Variants in IL26 observed in about 807,000 individuals in gnomAD.
The protein encoded by IL26 is interleukin 26.
IL26 carries 23 observed loss-of-function variants against 21.7 expected under a neutral mutation model. The ratio of observed to expected loss-of-function variants is 1.06; its 90% CI spans 0.76 to 1.50. IL26 has a LOEUF of 1.50. Among genes scored for constraint, IL26 ranks in the 40% most tolerant of loss-of-function variants. The probability of loss-of-function intolerance (pLI) is 0.00; values close to 1 mark genes in which losing one functional copy is unlikely to be tolerated. For missense variants in IL26, 204 were observed against 196.0 expected (o/e 1.04, Z -0.24); for synonymous variants, 63 against 67.8 (o/e 0.93, Z 0.34).
chr12:68,215,818 C>T (rs1592898979), intron 3 of IL26, among the ~76,000 whole-genome samples: 1 of 151,938 alleles, frequency 6.6e-6, no homozygotes, highest in South Asian at 2.1e-4. Flanking sequence ...TAGGCATGCA[C>T]CCCATATCCA....
chr12:68,219,310 G>A (rs1324762049), intron 3 of IL26, among the ~76,000 whole-genome samples: 1 of 151,548 alleles, frequency 6.6e-6, no homozygotes, highest in African/African-American at 2.4e-5. Flanking sequence ...AAATATAAAG[G>A]GATTCAAGTC....
chr12:68,202,131 A>C, intron 3 of IL26, 48 bp from the exon 4 acceptor site: 2 of 1,191,842 alleles, frequency 1.7e-6, no homozygotes, highest in Non-Finnish European at 2.4e-6. Flanking sequence ...AGAGGCATTA[A>C]TGATACTCTT....
chr12:68,203,189 C>T (rs545460344), intron 3 of IL26, among the ~76,000 whole-genome samples: 28 of 152,222 alleles, frequency 1.8e-4, no homozygotes, highest in Admixed American at 1.0e-3. Flanking sequence ...ACTACCAGTC[C>T]GCTTTGTGCA....
rs1868388221 is a variant in IL26, at chr12:68,201,425, T to A, written c.*420A>T. On this transcript the variant is annotated 3_prime_UTR_variant, in exon 5 of 5. Transcript: ENST00000229134. ...GTTCACACTGGGCATAATTAACAAT[T>A]TTCAAACACTTAAACAGACAATCAT... 1 of 155,218 alleles carries A rather than the reference T, an allele frequency of 6.4e-6. No homozygotes were observed. The highest frequency in any genetic ancestry group is 2.4e-5 in the African/African-American group (1 of 41,486). 9.6% of individuals were successfully genotyped at this position (155,218 alleles called of 1,614,324 possible). A position where few individuals can be genotyped will look rare whatever the true frequency, so the allele number is the denominator to read the frequency against.
At chr12:68,206,037 T>C (rs4913420) in intron 3 of IL26, among the ~76,000 whole-genome samples, 112,101 of 152,056 alleles carry the variant, frequency 0.74, 41,929 homozygotes, top group African/African-American at 0.87. Flanking sequence ...TTCAACCTGC[T>C]CCTGCCCCCA....
rs1270031606 is a variant in IL26 at position 68,225,167 on chromosome 12, CCTAAGG to C, written c.339_344del (p.Ser113_Leu114del). On this transcript the variant is annotated inframe_deletion, in exon 3 of 5. Coordinates refer to ENST00000229134, the MANE Select transcript of IL26 (RefSeq NM_018402.2). Reference sequence around the variant, plus strand: ...TACTTACACAGTGGCTCAATTTCTGCCTAAGGCTATGAAAGTCCTCCACAAAGCGTA... The same window carrying C: ...TACTTACACAGTGGCTCAATTTCTGCCTATGAAAGTCCTCCACAAAGCGTA... 9 of 1,611,728 alleles carry C rather than the reference CCTAAGG, an allele frequency of 5.6e-6. No homozygotes were observed. Among genetic ancestry groups the C allele is most frequent in the Non-Finnish European group, 7.6e-6 (9 of 1,179,386 alleles).
chr12:68,225,543 A>T, intron 1 of IL26, 43 bp from the exon 2 acceptor site: 1 of 1,607,850 alleles, frequency 6.2e-7, no homozygotes, highest in Non-Finnish European at 8.5e-7. Flanking sequence ...CAAGATTGTA[A>T]ATGTCCTTGA....
Position 68,201,773 on chromosome 12 carries a change from G to C in IL26, c.*72C>G. ...AAAAAGTTTTTAAAAGAAATAGACT[G>C]TTATAAACATATTTCTAGCAGTTCT... On this transcript the variant is annotated 3_prime_UTR_variant, in exon 5 of 5. Transcript: ENST00000229134. The C allele has an allele frequency of 9.4e-6, 10 of 1,064,788 alleles. No individual in the cohort carries two copies. The highest frequency in any genetic ancestry group is 1.4e-5 in the Non-Finnish European group (10 of 726,784). 66.0% of individuals were successfully genotyped at this position (1,064,788 alleles called of 1,614,324 possible).
At chr12:68,213,886 A>T (rs1013470891) in intron 3 of IL26, among the ~76,000 whole-genome samples, 1 of 151,720 alleles carries the variant, frequency 6.6e-6, no homozygotes, top group Non-Finnish European at 1.5e-5. Context: ...TTTATTAGTT[A>T]TTTCCTTCTA....
rs375703841 is a variant in IL26, at chr12:68,219,786, C to T, written c.363+5363G>A. Among the ~76,000 whole-genome samples the T allele has an allele frequency of 3.2e-4, 48 of 151,868 alleles. 1 individual carries two copies. The South Asian group carries it at 9.8e-3, about 31-fold the overall frequency. ...AAATCAATGAAACTAAAAACTGGTT[C>T]TTTGAGAAATCAATAAAATTGATGA... On this transcript the variant is annotated intron_variant, in intron 3 of 4. Coordinates refer to ENST00000229134, the MANE Select transcript of IL26 (RefSeq NM_018402.2).
chr12:68,209,954 A>C (rs1050434969), intron 3 of IL26, among the ~76,000 whole-genome samples: 1 of 152,078 alleles, frequency 6.6e-6, no homozygotes, highest in African/African-American at 2.4e-5. Context: ...CATACATAAG[A>C]CCTTCATTTT....
intron 3 of IL26, among the ~76,000 whole-genome samples, chr12:68,208,428 C>T (rs1438389434): frequency 6.6e-6 from 1 of 152,208 alleles, no homozygotes; most frequent in Non-Finnish European, 1.5e-5. Context: ...TATGTGCTCC[C>T]TTTGCAGCAC....
At chr12:68,205,403 A>C (rs1565736091) in intron 3 of IL26, among the ~76,000 whole-genome samples, 1 of 151,916 alleles carries the variant, frequency 6.6e-6, no homozygotes, top group Non-Finnish European at 1.5e-5. Flanking sequence ...ATCAATTAAC[A>C]CATATTTTGT....
intron 3 of IL26, 109 bp from the exon 4 acceptor site, chr12:68,202,192 G>C: frequency 1.7e-6 from 1 of 584,652 alleles, no homozygotes; most frequent in East Asian, 3.1e-5. Context: ...CTGAGCACTA[G>C]ATATGCACTG....
At chr12:68,217,578 T>C (rs1868921087) in intron 3 of IL26, among the ~76,000 whole-genome samples, 1 of 152,138 alleles carries the variant, frequency 6.6e-6, no homozygotes, top group Admixed American at 6.5e-5. Flanking sequence ...TCCCAGCTTA[T>C]GAGTAAAGAA....
chr12:68,225,565 T>A (rs1165839817), intron 1 of IL26, 21 bp downstream of exon 1: 2 of 1,613,264 alleles, frequency 1.2e-6, no homozygotes, highest in East Asian at 4.5e-5. Flanking sequence ...GTCATGATTT[T>A]AAGCAGAGCC....
At chr12:68,206,452 G>A (rs1270064656) in intron 3 of IL26, among the ~76,000 whole-genome samples, 6 of 152,136 alleles carry the variant, frequency 3.9e-5, no homozygotes, top group East Asian at 3.9e-4. Context: ...TCAAAAAAAC[G>A]TTAAAAGGCA....
chr12:68,223,884 G>T (rs71452375), intron 3 of IL26, among the ~76,000 whole-genome samples: 74,497 of 131,966 alleles, frequency 0.56, 21,823 homozygotes, highest in African/African-American at 0.72. Flanking sequence ...AAATTTGGTG[G>T]TTTTTTTTTT....
At chr12:68,205,052 G>A (rs11571054) in intron 3 of IL26, among the ~76,000 whole-genome samples, 3,665 of 152,232 alleles carry the variant, frequency 0.024, 138 homozygotes, top group African/African-American at 0.075. Context: ...GATATGATCT[G>A]GACCAGAGGC....
Sources: gnomAD v4.1 joint callset for allele counts (sites outside exome capture counted in the v4.1 genomes callset) on GRCh38, gnomAD v4.1.1 for gene constraint, MANE v1.5 for transcripts, NCBI Gene and HGNC (gene_info 2026-07-23, HGNC 2026-07-21) for gene names.